Variants in ZFAND3 observed in about 807,000 individuals in gnomAD.
The protein encoded by ZFAND3 is zinc finger AN1-type containing 3.
A neutral mutation model predicts 29.6 loss-of-function variants in ZFAND3; 10 were observed. The observed-to-expected ratio is 0.34, with a 90% CI of 0.21 to 0.57. The LOEUF (loss-of-function observed/expected upper bound fraction) is 0.57. Ranked by LOEUF, ZFAND3 falls within the 20% of genes least tolerant of loss-of-function variation. The pLI is 0.86. For synonymous variants in ZFAND3, 128 were observed against 112.6 expected (o/e 1.14, Z -0.87); for missense variants, 230 against 304.5 (o/e 0.76, Z 1.82).
At chr6:38,043,936 C>T (rs1042655804) in intron 2 of ZFAND3, among the ~76,000 whole-genome samples, 1 of 152,096 alleles carries the variant, frequency 6.6e-6, no homozygotes, top group Non-Finnish European at 1.5e-5. Flanking sequence ...AGCCCCTGCG[C>T]CTAGCCCAAG....
chr6:38,010,904 CTTTTTT>C (rs35362297), intron 2 of ZFAND3, among the ~76,000 whole-genome samples: 9 of 131,088 alleles, frequency 6.9e-5, no homozygotes, highest in Non-Finnish European at 1.6e-5. Context: ...CCCGGCCCAA[CTTTTTT>C]TTTTTTTTTT....
chr6:38,144,052 T>C (rs35559973), intron 5 of ZFAND3, among the ~76,000 whole-genome samples: 11,198 of 151,104 alleles, frequency 0.074, 508 homozygotes, highest in African/African-American at 0.13. Context: ...AAATGGCTAA[T>C]GCTTTACAAC....
intron 2 of ZFAND3, among the ~76,000 whole-genome samples, chr6:37,986,367 T>C (rs1194796160): frequency 6.6e-6 from 1 of 152,136 alleles, no homozygotes; most frequent in Non-Finnish European, 1.5e-5. Flanking sequence ...ATTCACCAGC[T>C]GTTACCTAGG....
At chr6:37,846,878 A>G (rs1402297984) in intron 1 of ZFAND3, among the ~76,000 whole-genome samples, 1 of 151,852 alleles carries the variant, frequency 6.6e-6, no homozygotes, top group Non-Finnish European at 1.5e-5. Flanking sequence ...TGCCTGGCTA[A>G]TTTTTTGTAG....
At chr6:38,064,533 A>G (rs1208229154) in intron 3 of ZFAND3, among the ~76,000 whole-genome samples, 1 of 152,230 alleles carries the variant, frequency 6.6e-6, no homozygotes, top group Non-Finnish European at 1.5e-5. Context: ...ACAATGTGAA[A>G]TACAACTGTC....
intron 2 of ZFAND3, among the ~76,000 whole-genome samples, chr6:38,025,458 G>A (rs1157327519): frequency 6.6e-6 from 1 of 152,104 alleles, no homozygotes; most frequent in Non-Finnish European, 1.5e-5. Flanking sequence ...TTTGAAACTT[G>A]TATTAACATC....
chr6:38,006,470 G>A (rs1304345133), intron 2 of ZFAND3, among the ~76,000 whole-genome samples: 3 of 151,832 alleles, frequency 2.0e-5, no homozygotes, highest in South Asian at 2.1e-4. Flanking sequence ...CTGCTGTTTC[G>A]AGTGCTTTTT....
intron 2 of ZFAND3, among the ~76,000 whole-genome samples, chr6:37,932,696 A>G (rs992951225): frequency 2.0e-5 from 3 of 152,250 alleles, no homozygotes; most frequent in East Asian, 3.8e-4. Context: ...AATTTTAACT[A>G]TGAAGCTAGA....
chr6:37,999,412 G>A (rs1447425534), intron 2 of ZFAND3, among the ~76,000 whole-genome samples: 1 of 152,188 alleles, frequency 6.6e-6, no homozygotes, highest in Non-Finnish European at 1.5e-5. Flanking sequence ...TTAAGTGTGG[G>A]CTGTGCTGTG....
chr6:37,827,479 A>C (rs1321706642), intron 1 of ZFAND3, among the ~76,000 whole-genome samples: 1 of 152,214 alleles, frequency 6.6e-6, no homozygotes, highest in Non-Finnish European at 1.5e-5. Flanking sequence ...TTGTTTTCAC[A>C]AATGTAAATC....
intron 2 of ZFAND3, among the ~76,000 whole-genome samples, chr6:37,998,343 T>C (rs1257305632): frequency 6.6e-6 from 1 of 152,158 alleles, no homozygotes; most frequent in African/African-American, 2.4e-5. Context: ...TTTAGAGGGA[T>C]GGAACTATTC....
At chr6:38,032,079 C>G (rs1411629185) in intron 2 of ZFAND3, among the ~76,000 whole-genome samples, 3 of 152,072 alleles carry the variant, frequency 2.0e-5, no homozygotes, top group African/African-American at 7.2e-5. Flanking sequence ...GTGATCCTCC[C>G]TCCTCAACCT....
At chr6:38,144,181 TATAA>T (rs1395669610) in intron 5 of ZFAND3, among the ~76,000 whole-genome samples, 1,156 of 36,330 alleles carry the variant, frequency 0.032, 26 homozygotes, top group Non-Finnish European at 0.041. Flanking sequence ...GATATATATA[TATAA>T]TATATATATA....
intron 1 of ZFAND3, among the ~76,000 whole-genome samples, chr6:37,852,993 G>T (rs1764310363): frequency 6.6e-6 from 1 of 152,152 alleles, no homozygotes; most frequent in Admixed American, 6.5e-5. Context: ...TTCAAAACCT[G>T]TTGGTCTTAG....
intron 4 of ZFAND3, among the ~76,000 whole-genome samples, chr6:38,109,674 A>G (rs1326552116): frequency 6.6e-6 from 1 of 152,042 alleles, no homozygotes; most frequent in Non-Finnish European, 1.5e-5. Context: ...AGGAAGTGAA[A>G]AACCTAATCT....
intron 5 of ZFAND3, among the ~76,000 whole-genome samples, chr6:38,145,691 A>G (rs1766090772): frequency 6.6e-6 from 1 of 151,942 alleles, no homozygotes; most frequent in African/African-American, 2.4e-5. Context: ...CCTCAGTTCA[A>G]TTTTCTGCCG....
intron 2 of ZFAND3, among the ~76,000 whole-genome samples, chr6:37,943,676 T>A (rs559385851): frequency 6.6e-6 from 1 of 152,292 alleles, no homozygotes; most frequent in South Asian, 2.1e-4. Flanking sequence ...TGGTTTTGCT[T>A]TTAGGAACTC....
At chr6:37,938,830 C>T (rs1211582405) in intron 2 of ZFAND3, among the ~76,000 whole-genome samples, 3 of 152,294 alleles carry the variant, frequency 2.0e-5, no homozygotes, top group East Asian at 1.9e-4. Context: ...GGAAACAGTG[C>T]TCAGTGCTGT....
At chr6:38,003,411 A>C (rs1762985043) in intron 2 of ZFAND3, 1 of 157,336 alleles carries the variant, frequency 6.4e-6, no homozygotes, top group Non-Finnish European at 1.4e-5. Flanking sequence ...AGTTTATAAT[A>C]ATTAAAACAG....
Sources: allele counts gnomAD v4.1 joint callset (sites outside exome capture counted in the v4.1 genomes callset), GRCh38; gene constraint gnomAD v4.1.1; transcripts MANE v1.5; gene names NCBI Gene and HGNC (gene_info 2026-07-23, HGNC 2026-07-21).